The following FAM118A variants were observed in gnomAD, a reference collection of about 807,000 sequenced individuals.
The protein encoded by FAM118A is protein FAM118A.
A neutral mutation model predicts 38.2 loss-of-function variants in FAM118A; 25 were observed. That is an observed-to-expected ratio of 0.65 (90% CI 0.48 to 0.91). The LOEUF (loss-of-function observed/expected upper bound fraction) is 0.91. FAM118A is among the 40% of genes least tolerant of loss of function. The pLI, the probability that FAM118A is intolerant of heterozygous loss-of-function variation, is 0.00. For missense variants in FAM118A, 425 were observed against 463.3 expected, an observed-to-expected ratio of 0.92 and a Z score of 0.76; for synonymous variants, 178 against 184.1, an observed-to-expected ratio of 0.97 and a Z score of 0.27.
intron 6 of FAM118A, among the ~76,000 whole-genome samples, chr22:45,332,944 T>C (rs1299993971): frequency 6.6e-6 from 1 of 151,978 alleles, no homozygotes; most frequent in East Asian, 1.9e-4. Flanking sequence ...GGTTTCACCA[T>C]GTTGGTCAGG....
intron 8 of FAM118A, among the ~76,000 whole-genome samples, chr22:45,338,830 T>C (rs1002147021): frequency 1.3e-5 from 2 of 152,244 alleles, no homozygotes; most frequent in African/African-American, 4.8e-5. Flanking sequence ...AGCAGTATCA[T>C]GTCCCTGCAC....
intron 2 of FAM118A, 43 bp from the exon 3 acceptor site, chr22:45,323,132 T>G: frequency 6.2e-7 from 1 of 1,600,284 alleles, no homozygotes; most frequent in Non-Finnish European, 8.5e-7. Context: ...TTGCAATGTT[T>G]CCGCTTTGAC....
At chr22:45,336,273 C>A in intron 7 of FAM118A, 55 bp from the exon 8 acceptor site, 2 of 1,433,078 alleles carry the variant, frequency 1.4e-6, no homozygotes, top group South Asian at 1.2e-5. Flanking sequence ...ATGAACTGTG[C>A]CTTGGCGAGT....
At chr22:45,338,420 G>A (rs2086251118) in intron 8 of FAM118A, among the ~76,000 whole-genome samples, 1 of 152,046 alleles carries the variant, frequency 6.6e-6, no homozygotes, top group Non-Finnish European at 1.5e-5. Context: ...GTAGAGATGG[G>A]GTTTCACTAT....
intron 6 of FAM118A, among the ~76,000 whole-genome samples, chr22:45,334,174 CA>C (rs1242724597): frequency 1.3e-5 from 2 of 152,148 alleles, no homozygotes; most frequent in African/African-American, 4.8e-5. Context: ...CAGGAATGAC[CA>C]GGGTAAGTGA....
rs2085004258 is a variant in FAM118A at position 45,323,169 on chromosome 22, A to G, written c.48-6A>G. On this transcript the variant is annotated splice_polypyrimidine_tract_variant and splice_region_variant and intron_variant, in intron 2 of 8. Coordinates refer to ENST00000441876, the MANE Select transcript of FAM118A (RefSeq NM_017911.4). ...TTCATTCTCTTGCTCCCTTCTTTTCAAGTAGAAAGTTTTTAAAAAGCCTCA... is the reference window on the plus strand; with the variant it reads ...TTCATTCTCTTGCTCCCTTCTTTTCGAGTAGAAAGTTTTTAAAAAGCCTCA... The G allele has an allele frequency of 6.2e-7, 1 of 1,607,308 alleles. No homozygotes were observed. Among genetic ancestry groups the G allele is most frequent in the Non-Finnish European group, 8.5e-7 (1 of 1,174,810 alleles).
intron 6 of FAM118A, 102 bp from the exon 7 acceptor site, chr22:45,335,248 C>A (rs1182187394): frequency 7.2e-6 from 10 of 1,379,760 alleles, no homozygotes; most frequent in Non-Finnish European, 1.0e-5. Context: ...GCCCAGAAGC[C>A]TGTTCCCAGT....
chr22:45,310,846 G>T (rs898858153), intron 1 of FAM118A, among the ~76,000 whole-genome samples: 3 of 151,870 alleles, frequency 2.0e-5, no homozygotes, highest in African/African-American at 7.3e-5. Flanking sequence ...CGGCCGAACC[G>T]GGGAGGGAGC....
In FAM118A at chr22:45,310,086, G is replaced by C. The variant is rs2084295062; in HGVS notation, c.-107G>C. The C allele has an allele frequency of 6.6e-6, 1 of 151,896 alleles. No individual in the cohort carries two copies. The highest frequency in any genetic ancestry group is 2.4e-5 in the African/African-American group (1 of 41,334). The allele number at this position is 151,896 out of a possible 1,614,324, so 9.4% of individuals were successfully genotyped here. On this transcript the variant is annotated 5_prime_UTR_variant, in exon 1 of 9. Transcript: ENST00000441876. ...CATCCCCTTGCCCCGCCCAGCGTCA[G>C]GGGTGCGCGGCCGCCGAGAGACCCC...
Position 45,323,443 on chromosome 22 carries a change from G to T in FAM118A, c.300+16G>T, listed in dbSNP as rs1007324017. ...GATGTCACCTGTAAGTGTCAGACAA[G>T]TACCTCTTGGGGACAGCTTGGTTCT... is the stretch of plus-strand genomic sequence containing the variant. On this transcript the variant is annotated intron_variant, in intron 3 of 8. Coordinates refer to ENST00000441876, the MANE Select transcript of FAM118A (RefSeq NM_017911.4). 2 of 1,608,892 alleles carry T rather than the reference G, an allele frequency of 1.2e-6. No individual in the cohort carries two copies. The highest frequency in any genetic ancestry group is 8.5e-7 in the Non-Finnish European group (1 of 1,176,224).
chr22:45,328,925 A>G (rs1426068187), intron 4 of FAM118A: 1 of 158,640 alleles, frequency 6.3e-6, no homozygotes, highest in African/African-American at 2.4e-5. Context: ...CAATAGTGGC[A>G]GAAGGCAGAG....
rs528674974 is a variant in FAM118A, at chr22:45,328,567, G to C, written c.522+504G>C. 310 of 690,696 alleles carry C rather than the reference G, an allele frequency of 4.5e-4. 2 individuals carry two copies. The East Asian group carries it at 7.3e-3, about 16-fold the overall frequency. The allele number at this position is 690,696 out of a possible 1,614,324, so 42.8% of individuals were successfully genotyped here. On this transcript the variant is annotated intron_variant, in intron 4 of 8. Coordinates refer to ENST00000441876, the MANE Select transcript of FAM118A (RefSeq NM_017911.4). ...GGATTGCTTGAGCCCAGGAGTTCCA[G>C]ACTGAAATGAGCTATGATCATGCCA...
At position 45,330,703 on chromosome 22, in the gene FAM118A, A is replaced by G; in HGVS notation, c.623A>G (p.Lys208Arg). The G allele has an allele frequency of 6.3e-7, 1 of 1,584,832 alleles. No individual in the cohort carries two copies. Among genetic ancestry groups the G allele is most frequent in the Non-Finnish European group, 8.6e-7 (1 of 1,168,798 alleles). The change falls in exon 5 of 9, where the codon AAA becomes AGA. Residue 208 changes from lysine to arginine, a missense_variant. Lys to Arg is a conservative substitution (Grantham distance 26). Transcript: ENST00000441876. ...CGVVLDPSGY[K>R]DVTQDAEVME... ...GTGGTGCTGGACCCATCGGGGTATA[A>G]AGACGTCACTCAAGACGCAGAAGTC...
At chr22:45,324,810 G>A (rs1373016201) in intron 3 of FAM118A, among the ~76,000 whole-genome samples, 1 of 152,198 alleles carries the variant, frequency 6.6e-6, no homozygotes, top group Non-Finnish European at 1.5e-5. Context: ...ACTTTGGGAG[G>A]CCGAGGCAGG....
chr22:45,336,909 T>G (rs1235429586), intron 8 of FAM118A, among the ~76,000 whole-genome samples: 1 of 152,190 alleles, frequency 6.6e-6, no homozygotes. Flanking sequence ...CTTTAACTCA[T>G]TTGAGCTTTG....
At chr22:45,319,416 T>C (rs574468924) in intron 1 of FAM118A, among the ~76,000 whole-genome samples, 11 of 152,246 alleles carry the variant, frequency 7.2e-5, no homozygotes, top group Non-Finnish European at 1.3e-4. Context: ...CCCTTCCAAA[T>C]AGGATTGAAC....
chr22:45,329,103 G>C (rs960585133), intron 4 of FAM118A: 1 of 152,672 alleles, frequency 6.5e-6, no homozygotes, highest in Non-Finnish European at 1.5e-5. Flanking sequence ...CCCACCTCCA[G>C]CACTGGGGAT....
intron 1 of FAM118A, among the ~76,000 whole-genome samples, chr22:45,315,871 C>T (rs1329610152): frequency 6.6e-6 from 1 of 152,214 alleles, no homozygotes. Flanking sequence ...CTAAGCCTCT[C>T]CTTTGCAGTT....
intron 3 of FAM118A, among the ~76,000 whole-genome samples, chr22:45,324,919 C>T (rs996060256): frequency 4.7e-4 from 72 of 152,286 alleles, no homozygotes; most frequent in Admixed American, 1.3e-4. Flanking sequence ...TGGTGGCAGG[C>T]GCCTGTAATC....
Sources: allele counts gnomAD v4.1 joint callset (sites outside exome capture counted in the v4.1 genomes callset), GRCh38; gene constraint gnomAD v4.1.1; transcripts MANE v1.5; gene names NCBI Gene and HGNC (gene_info 2026-07-23, HGNC 2026-07-21).